Variants in ANO3 observed in about 807,000 individuals in gnomAD.
ANO3 encodes the protein anoctamin 3, also known as anoctamin-3.
ANO3 carries 99 observed loss-of-function variants against 144.8 expected under a neutral mutation model. The observed-to-expected ratio is 0.68, with a 90% confidence interval of 0.58 to 0.81. The LOEUF is 0.81. ANO3 is among the 30% of genes least tolerant of loss of function. ANO3 has a pLI of 0.00. For synonymous variants in ANO3, 414 were observed against 392.6 expected (o/e 1.05, Z -0.64); for missense variants, 905 against 1,202.2 (o/e 0.75, Z 3.66).
intron 1 of ANO3, among the ~76,000 whole-genome samples, chr11:26,406,657 G>A (rs1857283560): frequency 6.8e-6 from 1 of 147,504 alleles, no homozygotes; most frequent in Non-Finnish European, 1.5e-5. Context: ...CCAGTGAAAG[G>A]GGTCCAATAA....
Position 26,453,657 on chromosome 11 carries a change from A to G in ANO3, c.314-9373A>G, listed in dbSNP as rs536928961. Among the ~76,000 whole-genome samples, 482 of 152,252 alleles carry G rather than the reference A, an allele frequency of 3.2e-3. 4 individuals carry two copies. The highest frequency in any genetic ancestry group is 0.011 in the African/African-American group (456 of 41,532). ...GAGACTTTAACACCCCACTGTCAAC[A>G]TTAGACAGATCAACGAGAAAGAAAG... On this transcript the variant is annotated intron_variant, in intron 3 of 26. Transcript: ENST00000256737.
intron 8 of ANO3, among the ~76,000 whole-genome samples, chr11:26,532,785 G>T (rs1849407265): frequency 6.6e-6 from 1 of 151,752 alleles, no homozygotes; most frequent in Non-Finnish European, 1.5e-5. Context: ...CAAGAGACTG[G>T]CTCTGAAAAT....
rs7128615 is a variant in ANO3 at position 26,376,602 on chromosome 11, G to A, written c.46+44281G>A. Among the ~76,000 whole-genome samples, 26 of 151,368 alleles carry A rather than the reference G, an allele frequency of 1.7e-4. 1 individual carries two copies. Among genetic ancestry groups the A allele is most frequent in the South Asian group, 1.0e-3 (5 of 4,804 alleles). On this transcript the variant is annotated intron_variant, in intron 1 of 26. Coordinates refer to ENST00000256737, the MANE Select transcript of ANO3 (RefSeq NM_031418.4). ...TCAAAGTTTATTCGCACCCCTACCC[G>A]CTCCAAAAATATAGATCTCTCCTTA... is the stretch of plus-strand genomic sequence containing the variant.
In ANO3 at chr11:26,553,242, T is replaced by TTTAAAAAA; in HGVS notation, c.1290-7_1290-6insTTAAAAAA. 7.0e-7 allele frequency: 1 copy of TTTAAAAAA among 1,429,464 alleles called. No homozygotes were observed. Among genetic ancestry groups the TTTAAAAAA allele is most frequent in the Non-Finnish European group, 9.8e-7 (1 of 1,024,176 alleles). The allele number at this position is 1,429,464 out of a possible 1,614,324, so 88.5% of individuals were successfully genotyped here. A position where few individuals can be genotyped will look rare whatever the true frequency, so the allele number is the denominator to read the frequency against. On this transcript the variant is annotated splice_polypyrimidine_tract_variant and splice_region_variant and intron_variant, in intron 12 of 26. Coordinates refer to ENST00000256737, the MANE Select transcript of ANO3 (RefSeq NM_031418.4). ...TTGTTTTGTTTTTGTTTTTGTTTTT[T>TTTAAAAAA]CTCAAGCCAAGAAATTTGTAAAGCC...
At chr11:26,216,451 G>T (rs4347343) in intron 1 of ANO3, among the ~76,000 whole-genome samples, 1 of 151,834 alleles carries the variant, frequency 6.6e-6, no homozygotes, top group Non-Finnish European at 1.5e-5. Flanking sequence ...TGGCTTGATA[G>T]CTCATTACAT....
chr11:26,643,087 A>G, intron 22 of ANO3, 95 bp from the exon 23 acceptor site: 2 of 1,051,190 alleles, frequency 1.9e-6, no homozygotes. Context: ...CTACTTTGTA[A>G]GGATGTTGAA....
At chr11:26,220,015 C>T (rs1852110665) in intron 1 of ANO3, among the ~76,000 whole-genome samples, 1 of 152,158 alleles carries the variant, frequency 6.6e-6, no homozygotes, top group Non-Finnish European at 1.5e-5. Flanking sequence ...CTTCTTATCT[C>T]AGGATATTGC....
At chr11:26,384,570 G>A (rs1236427374) in intron 1 of ANO3, among the ~76,000 whole-genome samples, 4 of 152,104 alleles carry the variant, frequency 2.6e-5, no homozygotes, top group Admixed American at 1.3e-4. Flanking sequence ...ATGTTTCCTT[G>A]ATTCCTTCTT....
At chr11:26,619,413 T>C (rs370801258) in intron 17 of ANO3, among the ~76,000 whole-genome samples, 1 of 152,144 alleles carries the variant, frequency 6.6e-6, no homozygotes, top group East Asian at 1.9e-4. Flanking sequence ...TTTCCTATTT[T>C]TACTATTCAT....
chr11:26,500,246 G>T (rs1476780984), intron 4 of ANO3, among the ~76,000 whole-genome samples: 1 of 151,830 alleles, frequency 6.6e-6, no homozygotes, highest in Non-Finnish European at 1.5e-5. Context: ...TTACTATTAT[G>T]AATAATGTTT....
chr11:26,365,979 TATATATATATATATA>T (rs1249013765), intron 1 of ANO3, among the ~76,000 whole-genome samples: 1,133 of 24,994 alleles, frequency 0.045, 23 homozygotes, highest in Non-Finnish European at 0.056. Flanking sequence ...TATATATATA[TATATATATATATATA>T]TATATATATT....
intron 1 of ANO3, among the ~76,000 whole-genome samples, chr11:26,223,271 G>A (rs930355349): frequency 2.6e-5 from 4 of 152,012 alleles, no homozygotes; most frequent in African/African-American, 7.2e-5. Context: ...ACATGAACAC[G>A]GACAGAATTC....
intron 4 of ANO3, among the ~76,000 whole-genome samples, chr11:26,504,249 G>A (rs1307025940): frequency 7.8e-6 from 1 of 127,816 alleles, no homozygotes; most frequent in Non-Finnish European, 1.7e-5. Context: ...TCAGAAGGGA[G>A]AGAATGACAA....
chr11:26,484,660 A>G (rs1344457191), intron 4 of ANO3, among the ~76,000 whole-genome samples: 1 of 152,100 alleles, frequency 6.6e-6, no homozygotes, highest in Non-Finnish European at 1.5e-5. Flanking sequence ...GTGAGAAGAG[A>G]TCCACTGTCC....
intron 1 of ANO3, among the ~76,000 whole-genome samples, chr11:26,383,885 G>GTTTT (rs1856650359): frequency 3.1e-5 from 2 of 65,302 alleles, no homozygotes; most frequent in Non-Finnish European, 6.0e-5. Context: ...GCCATGCATT[G>GTTTT]TTCTTTTTTT....
intron 26 of ANO3, among the ~76,000 whole-genome samples, chr11:26,658,052 G>A (rs1853750992): frequency 6.6e-6 from 1 of 152,108 alleles, no homozygotes; most frequent in African/African-American, 2.4e-5. Context: ...CCAGGTCTAT[G>A]TCCTAAAGCA....
At chr11:26,426,582 G>A (rs868495923) in intron 1 of ANO3, among the ~76,000 whole-genome samples, 3 of 152,262 alleles carry the variant, frequency 2.0e-5, no homozygotes, top group South Asian at 2.1e-4. Context: ...ACAGGCAAAT[G>A]ATCAAATAAA....
At chr11:26,273,675 A>G (rs1393169455) in intron 1 of ANO3, among the ~76,000 whole-genome samples, 5 of 132,872 alleles carry the variant, frequency 3.8e-5, no homozygotes, top group Admixed American at 7.4e-5. Context: ...CACACACACA[A>G]ATTCTGTCGG....
chr11:26,416,991 A>T (rs2133992972), intron 1 of ANO3, among the ~76,000 whole-genome samples: 1 of 152,180 alleles, frequency 6.6e-6, no homozygotes, highest in South Asian at 2.1e-4. Flanking sequence ...AGTGCATAGG[A>T]AACAAATGTA....
Sources: gnomAD v4.1 joint callset for allele counts (sites outside exome capture counted in the v4.1 genomes callset) on GRCh38, gnomAD v4.1.1 for gene constraint, MANE v1.5 for transcripts, NCBI Gene and HGNC (gene_info 2026-07-23, HGNC 2026-07-21) for gene names.